CDH18: variants seen among roughly 807,000 people sequenced by gnomAD.
CDH18 encodes cadherin 18.
Under a neutral mutation model 67.9 loss-of-function variants are expected in CDH18, and 31 were observed. The observed-to-expected ratio is 0.46, with a 90% CI of 0.34 to 0.62. The LOEUF (loss-of-function observed/expected upper bound fraction) is 0.62, where lower values mean the gene tolerates loss of function less well. CDH18 is among the 20% of genes least tolerant of loss of function. The pLI is 0.01. For synonymous variants in CDH18, 362 were observed against 347.2 expected (o/e 1.04, Z -0.48); for missense variants, 890 against 975.5 (o/e 0.91, Z 1.17).
intron 5 of CDH18, among the ~76,000 whole-genome samples, chr5:19,643,000 T>C (rs565115190): frequency 7.2e-5 from 11 of 152,074 alleles, no homozygotes; most frequent in African/African-American, 2.2e-4. Flanking sequence ...TAAACAAATA[T>C]ATAATTAGCT....
chr5:19,480,223 T>C (rs1739169566), intron 12 of CDH18, among the ~76,000 whole-genome samples: 2 of 152,124 alleles, frequency 1.3e-5, no homozygotes, highest in South Asian at 4.1e-4. Context: ...TCCAGGGTAA[T>C]TGTTGTGCAG....
intron 2 of CDH18, among the ~76,000 whole-genome samples, chr5:19,860,431 T>C (rs1784769420): frequency 6.6e-6 from 1 of 150,976 alleles, no homozygotes. Flanking sequence ...TTTCTTCTTC[T>C]TCTTTTTTTT....
chr5:19,639,055 T>G (rs1037030087), intron 5 of CDH18, among the ~76,000 whole-genome samples: 1 of 135,832 alleles, frequency 7.4e-6, no homozygotes, highest in African/African-American at 2.7e-5. Flanking sequence ...CAGGCTGGAG[T>G]GCAGTGGCGC....
intron 2 of CDH18, among the ~76,000 whole-genome samples, chr5:20,043,935 G>C (rs951211401): frequency 6.6e-6 from 1 of 152,082 alleles, no homozygotes; most frequent in African/African-American, 2.4e-5. Flanking sequence ...CTTTATTCTC[G>C]AAAGTTATTC....
chr5:19,993,341 T>A (rs1209549195), intron 2 of CDH18, among the ~76,000 whole-genome samples: 5 of 152,140 alleles, frequency 3.3e-5, no homozygotes, highest in Non-Finnish European at 7.4e-5. Context: ...AATTTAGACA[T>A]CCTTAATAAT....
rs72743031 is a variant in CDH18 at position 20,131,865 on chromosome 5, C to T, written c.-518+123579G>A. On this transcript the variant is annotated intron_variant, in intron 2 of 14. Coordinates refer to the CDH18 transcript ENST00000507958. The stretch of plus-strand genomic sequence containing the variant: ...ATGATCTGCTTCACATATAGCTTTA[C>T]AATAAAGTGTTTTTTTTTGTTGTTG... 3.5e-3 allele frequency among the ~76,000 whole-genome samples: 528 copies of T among 152,044 alleles called. 2 individuals are homozygous for T. The highest frequency in any genetic ancestry group is 5.7e-3 in the Non-Finnish European group (385 of 67,974).
At chr5:19,964,323 G>A (rs765893391) in intron 2 of CDH18, among the ~76,000 whole-genome samples, 4 of 151,380 alleles carry the variant, frequency 2.6e-5, no homozygotes, top group Non-Finnish European at 5.9e-5. Context: ...GCTCATTCCT[G>A]TAATCCCAGC....
chr5:20,265,878 A>C (rs566574897), intron 1 of CDH18, among the ~76,000 whole-genome samples: 1 of 152,316 alleles, frequency 6.6e-6, no homozygotes, highest in African/African-American at 2.4e-5. Context: ...GAAAAAGATT[A>C]GCTTTTGAAT....
At chr5:20,178,190 G>A (rs916275878) in intron 2 of CDH18, among the ~76,000 whole-genome samples, 3 of 152,018 alleles carry the variant, frequency 2.0e-5, no homozygotes, top group East Asian at 1.9e-4. Flanking sequence ...GGTGCTTCTC[G>A]GAGCTCAAGA....
chr5:20,292,271 G>A (rs1747159900), intron 1 of CDH18, among the ~76,000 whole-genome samples: 1 of 152,146 alleles, frequency 6.6e-6, no homozygotes. Context: ...TTCACTTGAT[G>A]GTTCAATTTC....
intron 2 of CDH18, among the ~76,000 whole-genome samples, chr5:19,974,481 T>A (rs375266378): frequency 7.0e-6 from 1 of 142,408 alleles, no homozygotes; most frequent in Non-Finnish European, 1.5e-5. Flanking sequence ...ATCACACCAT[T>A]GCACTCCAGC....
chr5:20,492,812 G>T (rs1257459123), intron 1 of CDH18, among the ~76,000 whole-genome samples: 2 of 152,022 alleles, frequency 1.3e-5, no homozygotes. Flanking sequence ...CAGATGTTTT[G>T]CAGAGATATT....
At chr5:19,723,491 T>C (rs1448598285) in intron 4 of CDH18, among the ~76,000 whole-genome samples, 3 of 152,124 alleles carry the variant, frequency 2.0e-5, no homozygotes, top group East Asian at 1.9e-4. Context: ...GACTTGCAAT[T>C]ATCCATCCTC....
At chr5:19,481,763 G>T (rs965664083) in intron 12 of CDH18, among the ~76,000 whole-genome samples, 1 of 151,956 alleles carries the variant, frequency 6.6e-6, no homozygotes, top group African/African-American at 2.4e-5. Flanking sequence ...ACAAAACAAG[G>T]AACATATTTT....
Position 19,821,087 on chromosome 5 carries a change from C to A in CDH18, c.228+17672G>T, listed in dbSNP as rs554729830. 7.9e-5 allele frequency among the ~76,000 whole-genome samples: 12 copies of A among 152,158 alleles called. No individual in the cohort carries two copies. The South Asian group carries it at 2.5e-3, about 32-fold the overall frequency. On this transcript the variant is annotated intron_variant, in intron 3 of 12. Coordinates refer to ENST00000382275, the MANE Select transcript of CDH18 (RefSeq NM_004934.5). ...TACGAAGACTACACTAGCTCCCCGGCAATGGATTCTAAGCAGATTGAGATG... is the reference window on the plus strand; with the variant it reads ...TACGAAGACTACACTAGCTCCCCGGAAATGGATTCTAAGCAGATTGAGATG...
At chr5:19,942,235 T>C (rs1360924826) in intron 2 of CDH18, among the ~76,000 whole-genome samples, 1 of 152,118 alleles carries the variant, frequency 6.6e-6, no homozygotes, top group Non-Finnish European at 1.5e-5. Context: ...AGAATTTCAG[T>C]GTGGTCATAT....
chr5:20,318,581 C>T (rs1034485433), intron 1 of CDH18, among the ~76,000 whole-genome samples: 10 of 151,946 alleles, frequency 6.6e-5, no homozygotes, highest in African/African-American at 4.8e-5. Flanking sequence ...TGTGTGGGGC[C>T]TCCTCCCTTG....
chr5:20,369,255 G>T (rs1426127857), intron 1 of CDH18, among the ~76,000 whole-genome samples: 1 of 151,818 alleles, frequency 6.6e-6, no homozygotes, highest in East Asian at 1.9e-4. Flanking sequence ...AATTGTTTTA[G>T]CTGTTATACA....
chr5:19,872,414 A>T (rs2150025099), intron 2 of CDH18, among the ~76,000 whole-genome samples: 1 of 152,278 alleles, frequency 6.6e-6, no homozygotes, highest in African/African-American at 2.4e-5. Context: ...TGAGGTTTTG[A>T]ATCAGTTGAC....
Sources: gnomAD v4.1 joint callset for allele counts (sites outside exome capture counted in the v4.1 genomes callset) on GRCh38, gnomAD v4.1.1 for gene constraint, MANE v1.5 for transcripts, NCBI Gene and HGNC (gene_info 2026-07-23, HGNC 2026-07-21) for gene names.